ZGRF1: variants seen among roughly 807,000 people sequenced by gnomAD.
The protein encoded by ZGRF1 is 5'-3' DNA helicase ZGRF1.
Under a neutral mutation model 203.5 loss-of-function variants are expected in ZGRF1, and 196 were observed. The ratio of observed to expected loss-of-function variants is 0.96; its 90% CI spans 0.86 to 1.08. The LOEUF is 1.08. Among genes scored for constraint, ZGRF1 ranks in the 50% least tolerant of loss-of-function variants. The probability of loss-of-function intolerance (pLI) is 0.00; values close to 1 mark genes in which losing one functional copy is unlikely to be tolerated. For missense variants in ZGRF1, 2,326 were observed against 2,416.3 expected (o/e 0.96, Z 0.78); for synonymous variants, 809 against 841.3 (o/e 0.96, Z 0.66).
At chr4:112,580,412 A>C (rs1386244543) in intron 16 of ZGRF1, among the ~76,000 whole-genome samples, 9 of 146,628 alleles carry the variant, frequency 6.1e-5, no homozygotes, top group Admixed American at 4.2e-4. Context: ...GCAACAAAAG[A>C]CAAAATTGAC....
Position 112,560,399 on chromosome 4 carries a change from T to C in ZGRF1, c.4960+334A>G, listed in dbSNP as rs567932360. ...GGTTTGTAATCACTGATATAAAGGA[T>C]AGAAGAGTGAGCTGACTAGGAATAA... is the stretch of plus-strand genomic sequence containing the variant. On this transcript the variant is annotated intron_variant, in intron 19 of 27. Transcript: ENST00000505019. Among the ~76,000 whole-genome samples the C allele has an allele frequency of 3.9e-5, 6 of 152,336 alleles. No individual in the cohort carries two copies. The South Asian group carries it at 1.2e-3, about 32-fold the overall frequency.
At chr4:112,598,152 T>C (rs1423444775) in intron 10 of ZGRF1, among the ~76,000 whole-genome samples, 2 of 152,094 alleles carry the variant, frequency 1.3e-5, no homozygotes, top group African/African-American at 4.8e-5. Context: ...TCTTAAGTTG[T>C]CAATTATACA....
intron 22 of ZGRF1, among the ~76,000 whole-genome samples, chr4:112,553,363 C>A (rs1304437927): frequency 6.6e-6 from 1 of 152,206 alleles, no homozygotes; most frequent in Non-Finnish European, 1.5e-5. Context: ...TACCTGGAAG[C>A]TAGCGTCTGA....
chr4:112,626,623 C>A (rs977054051), intron 3 of ZGRF1, among the ~76,000 whole-genome samples: 1 of 152,144 alleles, frequency 6.6e-6, no homozygotes, highest in Non-Finnish European at 1.5e-5. Flanking sequence ...GTGCAACTCA[C>A]TCGGATGCCC....
At chr4:112,576,540 G>C (rs1183893457) in intron 16 of ZGRF1, among the ~76,000 whole-genome samples, 1 of 152,124 alleles carries the variant, frequency 6.6e-6, no homozygotes, top group Non-Finnish European at 1.5e-5. Flanking sequence ...AAAAAAATTA[G>C]ACGAATGGCT....
intron 17 of ZGRF1, among the ~76,000 whole-genome samples, chr4:112,562,688 G>T (rs932870585): frequency 1.3e-5 from 2 of 152,082 alleles, no homozygotes; most frequent in African/African-American, 4.8e-5. Context: ...TAATGGGTAT[G>T]CATAAACTGC....
chr4:112,617,704 C>A lies in ZGRF1; in HGVS notation c.2338G>T (p.Ala780Ser). The change falls in exon 6 of 28, where the codon GCA becomes TCA. Residue 780 changes from alanine to serine, a missense_variant. Coordinates refer to ENST00000505019, the MANE Select transcript of ZGRF1 (RefSeq NM_018392.5). ...AAATCTTCAGGTTCAGATATATGTG[C>A]TTCTGTGTCTTTGGAAATAAGATGC... ...KKHLISKDTE[A>S]HISEPEDLGK... 6.2e-7 allele frequency: 1 copy of A among 1,614,018 alleles called. No homozygotes were observed.
At chr4:112,610,942 C>G (rs1207954362) in intron 7 of ZGRF1, 1 of 298,390 alleles carries the variant, frequency 3.4e-6, no homozygotes, top group Non-Finnish European at 6.5e-6. Flanking sequence ...TTTTTTTTAA[C>G]TGGACACAAA....
rs929140623 is a variant in ZGRF1, at chr4:112,587,703, T to C, written c.3354A>G (p.Gln1118=). 3 of 1,602,002 alleles carry C rather than the reference T, an allele frequency of 1.9e-6. No individual in the cohort carries two copies. Among genetic ancestry groups the C allele is most frequent in the Non-Finnish European group, 1.7e-6 (2 of 1,173,334 alleles). The change falls in exon 12 of 28, where the codon CAA becomes CAG. Residue 1118 remains glutamine (Q), a synonymous_variant. Coordinates refer to ENST00000505019, the MANE Select transcript of ZGRF1 (RefSeq NM_018392.5). ...VLSFSIEPED[Q]NETFFSEESR... ...ATTCTTCAGAGAAAAAGGTTTCATT[T>C]TGGTCCTCAGGCTCAATGCTAAACG...
Position 112,539,917 on chromosome 4 carries a change from A to G in ZGRF1, c.6118T>C (p.Leu2040=), listed in dbSNP as rs375291009. ...AGTTGATTTTTCCTCAAACAGGCTA[A>G]ATTTCCCACAATCAACAAATGCCTC... The part of the protein sequence containing the change: ...GKRHLLIVGN[L]ACLRKNQLWG... Residue 2040 remains leucine, a synonymous_variant, in exon 27 of 28, where the codon TTA becomes CTA. Coordinates refer to ENST00000505019, the MANE Select transcript of ZGRF1 (RefSeq NM_018392.5). The G allele has an allele frequency of 6.2e-7, 1 of 1,613,902 alleles. No individual in the cohort carries two copies. Among genetic ancestry groups the G allele is most frequent in the Non-Finnish European group, 8.5e-7 (1 of 1,179,824 alleles).
intron 15 of ZGRF1, among the ~76,000 whole-genome samples, chr4:112,583,186 C>T (rs894374349): frequency 6.6e-6 from 1 of 152,132 alleles, no homozygotes; most frequent in Non-Finnish European, 1.5e-5. Flanking sequence ...CATATATCAG[C>T]TCCGAATAAA....
chr4:112,620,055 A>G lies in ZGRF1; in HGVS notation c.298T>C (p.Ser100Pro), dbSNP rs144973687. The G allele has an allele frequency of 2.9e-5, 47 of 1,613,060 alleles. No homozygotes were observed. In the African/African-American group the frequency reaches 5.9e-4, roughly 20 times the overall value. ...APELNSRTFI[S>P]SGRSLGCQPS... is the part of the protein sequence containing the mutation. ...TGACATCCAAGAGATCGGCCAGAGG[A>G]TATAAATGTCCTTGAATTTAACTCT... Residue 100 changes from serine to proline, a missense_variant, in exon 5 of 28, where the codon TCC (serine) becomes CCC (proline). Ser to Pro is a moderately conservative substitution (Grantham distance 74). Transcript: ENST00000505019.
At chr4:112,621,399 T>G (rs993862379) in intron 4 of ZGRF1, among the ~76,000 whole-genome samples, 1 of 151,982 alleles carries the variant, frequency 6.6e-6, no homozygotes, top group Non-Finnish European at 1.5e-5. Context: ...CCTGTAATCC[T>G]AGCACTTTGG....
At chr4:112,611,663 A>G (rs1036361416) in intron 7 of ZGRF1, among the ~76,000 whole-genome samples, 5 of 152,210 alleles carry the variant, frequency 3.3e-5, no homozygotes, top group African/African-American at 1.2e-4. Flanking sequence ...AGGTGGCACA[A>G]TGAACTCACA....
intron 10 of ZGRF1, among the ~76,000 whole-genome samples, chr4:112,591,853 C>T (rs1748216658): frequency 6.6e-6 from 1 of 152,150 alleles, no homozygotes; most frequent in Admixed American, 6.6e-5. Context: ...CTTCAGAGCA[C>T]TTAAGACACT....
chr4:112,554,783 C>A lies in ZGRF1; in HGVS notation c.5121-1G>T. 1.3e-6 allele frequency: 2 copies of A among 1,499,290 alleles called. No individual in the cohort carries two copies. The highest frequency in any genetic ancestry group is 1.7e-4 in the Middle Eastern group (1 of 5,848). The allele number at this position is 1,499,290 out of a possible 1,614,324, so 92.9% of individuals were successfully genotyped here. On this transcript the variant is annotated splice_acceptor_variant, in intron 20 of 27. Coordinates refer to ENST00000505019, the MANE Select transcript of ZGRF1 (RefSeq NM_018392.5). LOFTEE classifies it high-confidence loss of function. ...GTTTTCAAATCCAAGACTGAGAAGC[C>A]TTTAAATAAGAAAACAATATAGATT...
At chr4:112,561,662 T>C (rs959267814) in intron 18 of ZGRF1, 6 of 152,372 alleles carry the variant, frequency 3.9e-5, no homozygotes, top group African/African-American at 1.4e-4. Flanking sequence ...ACATGGTGCT[T>C]GAGAAATTCA....
intron 3 of ZGRF1, among the ~76,000 whole-genome samples, chr4:112,627,962 T>C (rs2047290871): frequency 1.3e-5 from 2 of 152,216 alleles, no homozygotes; most frequent in Admixed American, 6.5e-5. Context: ...ATTCATGTTG[T>C]TGGGACTAGG....
rs764458171 is a variant in ZGRF1 at position 112,539,998 on chromosome 4, G to A, written c.6037C>T (p.Gln2013Ter). 16 of 1,613,546 alleles carry A rather than the reference G, an allele frequency of 9.9e-6. 1 individual carries two copies. The South Asian group carries it at 1.5e-4, about 16-fold the overall frequency. The change falls in exon 27 of 28, where the codon CAA becomes TAA. Residue 2013 changes from glutamine to a stop codon, truncating the protein, a stop_gained. Coordinates refer to ENST00000505019, the MANE Select transcript of ZGRF1 (RefSeq NM_018392.5). LOFTEE classifies it high-confidence loss of function. The part of the protein sequence containing the change: ...IIILSCVRTR[Q>*]VGFIDSEKRM... ...TTTTCTGAATCAATGAATCCTACTTGTCTTGTCCTTACACAGGACAGAATA... is the reference window on the plus strand; with the variant it reads ...TTTTCTGAATCAATGAATCCTACTTATCTTGTCCTTACACAGGACAGAATA...
Sources: gnomAD v4.1 joint callset for allele counts (sites outside exome capture counted in the v4.1 genomes callset) on GRCh38, gnomAD v4.1.1 for gene constraint, MANE v1.5 for transcripts, NCBI Gene and HGNC (gene_info 2026-07-23, HGNC 2026-07-21) for gene names.